Variants in NTPCR observed in about 807,000 individuals in gnomAD.
NTPCR encodes cancer-related nucleoside-triphosphatase.
In NTPCR, 15 loss-of-function variants were observed where a neutral mutation model predicts 19.5. That is an observed-to-expected ratio of 0.77 (90% confidence interval 0.51 to 1.18). NTPCR has a LOEUF of 1.18. Ranked by LOEUF, NTPCR falls within the 50% of genes most tolerant of loss-of-function variation. The pLI is 0.00. For synonymous variants in NTPCR, 90 were observed against 95.8 expected (o/e 0.94, Z 0.36); for missense variants, 206 against 240.4 (o/e 0.86, Z 0.95).
intron 3 of NTPCR, chr1:232,965,875 G>A (rs1433606088): frequency 6.6e-6 from 1 of 152,304 alleles, no homozygotes; most frequent in Non-Finnish European, 1.5e-5. Flanking sequence ...GGACATCCAG[G>A]AAGAGCCTCA....
intron 1 of NTPCR, chr1:232,951,091 C>A (rs111673707): frequency 1.1e-4 from 30 of 263,124 alleles, no homozygotes; most frequent in African/African-American, 5.5e-4. Flanking sequence ...GCGGCAACCG[C>A]GATGTGAAGT....
chr1:232,972,368 C>T (rs1250177786), intron 4 of NTPCR, among the ~76,000 whole-genome samples: 4 of 152,024 alleles, frequency 2.6e-5, no homozygotes, highest in Non-Finnish European at 4.4e-5. Context: ...GTAATCTGTG[C>T]TGGGATTACA....
At chr1:232,977,799 C>A (rs1057291462) in intron 4 of NTPCR, among the ~76,000 whole-genome samples, 1 of 152,164 alleles carries the variant, frequency 6.6e-6, no homozygotes, top group African/African-American at 2.4e-5. Context: ...CCTCGCTTCA[C>A]TCCAACAGTT....
chr1:232,957,904 C>T (rs1668556536), intron 3 of NTPCR, among the ~76,000 whole-genome samples: 1 of 152,068 alleles, frequency 6.6e-6, no homozygotes, highest in South Asian at 2.1e-4. Flanking sequence ...CAGAAAGGAA[C>T]AGGTGAGAGG....
intron 4 of NTPCR, chr1:232,976,446 G>A (rs1167483107): frequency 1.3e-6 from 2 of 1,550,592 alleles, no homozygotes; most frequent in South Asian, 2.4e-5. Flanking sequence ...AATCACTGCT[G>A]AACTCAGAGT....
At chr1:232,966,656 C>T (rs1336243360) in intron 3 of NTPCR, 1 of 152,194 alleles carries the variant, frequency 6.6e-6, no homozygotes, top group Non-Finnish European at 1.5e-5. Context: ...TAAAATTATT[C>T]GTAGCTTCTC....
chr1:232,950,967 G>C (rs1668349199), intron 1 of NTPCR: 1 of 519,508 alleles, frequency 1.9e-6, no homozygotes, highest in African/African-American at 2.0e-5. Context: ...ACTTGTGAGG[G>C]GGTCCTAGAC....
chr1:232,956,743 G>A (rs1558126488), intron 3 of NTPCR, among the ~76,000 whole-genome samples: 1 of 152,134 alleles, frequency 6.6e-6, no homozygotes, highest in East Asian at 1.9e-4. Flanking sequence ...TCTTAACCTG[G>A]TTTCACAGCA....
chr1:232,973,348 C>G lies in NTPCR; in HGVS notation c.504+3230C>G, dbSNP rs112932351. Reference sequence around the variant, plus strand: ...GAACAGAGTACTTTCCAAAAACACCCGAGAACTCTTCCAGTTTTAGACAAG... The same window carrying G: ...GAACAGAGTACTTTCCAAAAACACCGGAGAACTCTTCCAGTTTTAGACAAG... On this transcript the variant is annotated intron_variant, in intron 4 of 4. Transcript: ENST00000366628. Among the ~76,000 whole-genome samples, 3 of 152,090 alleles carry G rather than the reference C, an allele frequency of 2.0e-5. No homozygotes were observed. The South Asian group carries it at 6.2e-4, about 32-fold the overall frequency.
chr1:232,956,385 GGC>G lies in NTPCR; in HGVS notation c.237_238del (p.Gln80ValfsTer9). ...CCTGGAAAACGTGAATGCCGAGTTG[GGC>G]AGTATGTGGTCGACCTGACTTCTTT... On this transcript the variant is annotated frameshift_variant, in exon 3 of 5. Transcript: ENST00000366628. LOFTEE classifies it high-confidence loss of function. 3 of 1,613,974 alleles carry G rather than the reference GGC, an allele frequency of 1.9e-6. No homozygotes were observed. Among genetic ancestry groups the G allele is most frequent in the Non-Finnish European group, 2.5e-6 (3 of 1,179,866 alleles).
rs374624917 is a variant in NTPCR, at chr1:232,975,665, C to T, written c.505-2498C>T. On this transcript the variant is annotated intron_variant, in intron 4 of 4. Transcript: ENST00000366628. Reference sequence around the variant, plus strand: ...GCTCACAGTCTTATCTTCACTGTGCCCAGGATAAATTCTTACCAAGGGCCC... The same window carrying T: ...GCTCACAGTCTTATCTTCACTGTGCTCAGGATAAATTCTTACCAAGGGCCC... Among the ~76,000 whole-genome samples, 10 of 152,238 alleles carry T rather than the reference C, an allele frequency of 6.6e-5. No individual in the cohort carries two copies. The East Asian group carries it at 1.7e-3, about 26-fold the overall frequency.
chr1:232,976,492 T>G (rs1258196811), intron 4 of NTPCR: 2 of 1,543,564 alleles, frequency 1.3e-6, no homozygotes, highest in South Asian at 1.2e-5. Flanking sequence ...CACCTCTGTG[T>G]CGCCTCCTTT....
chr1:232,966,251 C>G (rs573228323), intron 3 of NTPCR: 60 of 152,280 alleles, frequency 3.9e-4, no homozygotes, highest in African/African-American at 1.3e-3. Flanking sequence ...GTTTTGCTGC[C>G]TAACTTCTGA....
At chr1:232,973,711 A>G (rs1174257221) in intron 4 of NTPCR, among the ~76,000 whole-genome samples, 1 of 152,246 alleles carries the variant, frequency 6.6e-6, no homozygotes. Context: ...AAGAACTGGA[A>G]AGTTTCAGCA....
At chr1:232,960,349 C>CT (rs796692879) in intron 3 of NTPCR, among the ~76,000 whole-genome samples, 9,525 of 142,228 alleles carry the variant, frequency 0.067, 706 homozygotes, top group African/African-American at 0.18. Flanking sequence ...TTTTCTTTTC[C>CT]TTTTTTTTTT....
chr1:232,966,853 G>C (rs1668832583), intron 3 of NTPCR: 1 of 152,516 alleles, frequency 6.6e-6, no homozygotes, highest in South Asian at 2.1e-4. Flanking sequence ...AAGCAATGCT[G>C]CCTGGGTTGT....
rs1369833070 is a variant in NTPCR at position 232,982,610 on chromosome 1, G to C, written c.*4379G>C. 1 of 152,382 alleles carries C rather than the reference G, an allele frequency of 6.6e-6. No homozygotes were observed. The highest frequency in any genetic ancestry group is 2.4e-5 in the African/African-American group (1 of 41,594). 9.4% of individuals were successfully genotyped at this position (152,382 alleles called of 1,614,324 possible). On this transcript the variant is annotated 3_prime_UTR_variant, in exon 5 of 5. Transcript: ENST00000366628. ...ATGGAGGAGCACCCAGGGTGCTCTT[G>C]CTCTCTTGCCTGCGCTGCCATTTCC...
At position 232,950,760 on chromosome 1, in the gene NTPCR, T is replaced by A; in HGVS notation, c.34+16T>A. On this transcript the variant is annotated intron_variant, in intron 1 of 4. Coordinates refer to ENST00000366628, the MANE Select transcript of NTPCR (RefSeq NM_032324.3). Reference sequence around the variant, plus strand: ...GGGCCCCCAGGTAACCCTGAGGGGATCCCCACCTCCAAGAGGTCGAGGGGG... The same window carrying A: ...GGGCCCCCAGGTAACCCTGAGGGGAACCCCACCTCCAAGAGGTCGAGGGGG... The A allele has an allele frequency of 6.3e-7, 1 of 1,580,624 alleles. No homozygotes were observed. Among genetic ancestry groups the A allele is most frequent in the Non-Finnish European group, 8.6e-7 (1 of 1,160,112 alleles).
intron 3 of NTPCR, among the ~76,000 whole-genome samples, chr1:232,958,395 G>A (rs568896122): frequency 2.0e-5 from 3 of 152,322 alleles, no homozygotes; most frequent in African/African-American, 7.2e-5. Flanking sequence ...TGAGCACGCT[G>A]TCTTCATAGA....
Sources: allele counts gnomAD v4.1 joint callset (sites outside exome capture counted in the v4.1 genomes callset), GRCh38; gene constraint gnomAD v4.1.1; transcripts MANE v1.5; gene names NCBI Gene and HGNC (gene_info 2026-07-23, HGNC 2026-07-21).